IGSF3: variants seen among roughly 807,000 people sequenced by gnomAD.
The protein encoded by IGSF3 is glu-Trp-Ile EWI motif-containing protein 3.
IGSF3 carries 23 observed loss-of-function variants against 114.4 expected under a neutral mutation model. The ratio of observed to expected loss-of-function variants is 0.20; its 90% CI spans 0.14 to 0.28. The LOEUF is 0.28. Among genes scored for constraint, IGSF3 ranks in the 10% least tolerant of loss-of-function variants. The pLI is 1.00. For missense variants in IGSF3, 1,172 were observed against 1,591.5 expected (o/e 0.74, Z 4.48); for synonymous variants, 571 against 645.2 (o/e 0.88, Z 1.74).
rs1433480939 is a variant in IGSF3, at chr1:116,648,214, C to G, written c.43+18070G>C. On this transcript the variant is annotated intron_variant, in intron 2 of 10. Transcript: ENST00000369486. The surrounding 1 kb of genome is among the most constrained non-coding windows in gnomAD (Gnocchi z 4.7). ...GGAAGGAAAAATAAGAATGTCAACT[C>G]TCCATTCAACAGAGAAACAGTGCCA... Among the ~76,000 whole-genome samples the G allele has an allele frequency of 6.6e-6, 1 of 152,224 alleles. No homozygotes were observed. The highest frequency in any genetic ancestry group is 1.5e-5 in the Non-Finnish European group (1 of 68,050).
chr1:116,638,845 T>C lies in IGSF3; in HGVS notation c.44-22388A>G, dbSNP rs575376169. 6.6e-6 allele frequency among the ~76,000 whole-genome samples: 1 copy of C among 152,286 alleles called. No individual in the cohort carries two copies. The highest frequency in any genetic ancestry group is 2.4e-5 in the African/African-American group (1 of 41,556). On this transcript the variant is annotated intron_variant, in intron 2 of 10. Transcript: ENST00000369486. This position sits in a 1 kb window ranked among gnomAD's most constrained non-coding sequence, Gnocchi z 4.1. ...CAACTACAACAGGAGGTGGGTACCA[T>C]TCCATCCCCACCTGCAGATGAGTAT... is the stretch of plus-strand genomic sequence containing the variant.
chr1:116,649,431 A>G lies in IGSF3; in HGVS notation c.43+16853T>C, dbSNP rs35248614. On this transcript the variant is annotated intron_variant, in intron 2 of 10. Coordinates refer to ENST00000369486, the MANE Select transcript of IGSF3 (RefSeq NM_001007237.3). The surrounding 1 kb of genome is among the most constrained non-coding windows in gnomAD (Gnocchi z 4.5). Reference sequence around the variant, plus strand: ...CTAGCCCTATTTTCAAATGAATTCAACGCCTCATTACTTAGATCTTTCCTC... The same window carrying G: ...CTAGCCCTATTTTCAAATGAATTCAGCGCCTCATTACTTAGATCTTTCCTC... Among the ~76,000 whole-genome samples the G allele has an allele frequency of 0.25, 37,532 of 152,084 alleles. 4,837 individuals are homozygous for G. The highest frequency in any genetic ancestry group is 0.43 in the East Asian group (2,246 of 5,164).
chr1:116,637,080 C>T (rs1055781501), intron 2 of IGSF3, among the ~76,000 whole-genome samples: 2 of 152,176 alleles, frequency 1.3e-5, no homozygotes, highest in African/African-American at 4.8e-5. Flanking sequence ...TTTACTCACG[C>T]TCCCTTACTC....
rs1039748559 is a variant in IGSF3, at chr1:116,629,310, T to A, written c.44-12853A>T. ...ATAAACACCCACACACCTCTATATATGTGTGGAAAAAGGACTGGGCTAGTA... is the reference window on the plus strand; with the variant it reads ...ATAAACACCCACACACCTCTATATAAGTGTGGAAAAAGGACTGGGCTAGTA... On this transcript the variant is annotated intron_variant, in intron 2 of 10. Coordinates refer to ENST00000369486, the MANE Select transcript of IGSF3 (RefSeq NM_001007237.3). The surrounding 1 kb of genome is among the most constrained non-coding windows in gnomAD (Gnocchi z 4.3). Among the ~76,000 whole-genome samples the A allele has an allele frequency of 2.6e-5, 4 of 152,168 alleles. No homozygotes were observed. Among genetic ancestry groups the A allele is most frequent in the African/African-American group, 9.7e-5 (4 of 41,432 alleles).
Position 116,614,217 on chromosome 1 carries a change from C to T in IGSF3, c.422-42G>A, listed in dbSNP as rs1661133245. 1.3e-6 allele frequency: 2 copies of T among 1,549,572 alleles called. No individual in the cohort carries two copies. Among genetic ancestry groups the T allele is most frequent in the Non-Finnish European group, 1.8e-6 (2 of 1,128,262 alleles). On this transcript the variant is annotated intron_variant, in intron 3 of 10. Coordinates refer to ENST00000369486, the MANE Select transcript of IGSF3 (RefSeq NM_001007237.3). This position sits in a 1 kb window ranked among gnomAD's most constrained non-coding sequence, Gnocchi z 4.5. Reference sequence around the variant, plus strand: ...TCCTGAGAGTGCAGTCACAAAGCCACAGAATCTGAGACTCCCAGGGCTAAG... The same window carrying T: ...TCCTGAGAGTGCAGTCACAAAGCCATAGAATCTGAGACTCCCAGGGCTAAG...
chr1:116,660,208 G>C (rs1649053257), intron 2 of IGSF3, among the ~76,000 whole-genome samples: 1 of 152,142 alleles, frequency 6.6e-6, no homozygotes, highest in Non-Finnish European at 1.5e-5. Flanking sequence ...GCATTATCAG[G>C]ACTTAATTGG....
rs1358691904 is a variant in IGSF3, at chr1:116,582,169, T to C, written c.2849-2292A>G. Reference sequence around the variant, plus strand: ...GAAATTAATTTCCACCTTCCCACAATCTCTCTCCCCTTAACATGTTTCTCT... The same window carrying C: ...GAAATTAATTTCCACCTTCCCACAACCTCTCTCCCCTTAACATGTTTCTCT... On this transcript the variant is annotated intron_variant, in intron 9 of 10. Transcript: ENST00000369486. This position sits in a 1 kb window ranked among gnomAD's most constrained non-coding sequence, Gnocchi z 4.7. 1.3e-5 allele frequency among the ~76,000 whole-genome samples: 2 copies of C among 152,106 alleles called. No homozygotes were observed. The highest frequency in any genetic ancestry group is 2.9e-5 in the Non-Finnish European group (2 of 68,028).
At position 116,603,142 on chromosome 1, in the gene IGSF3, A is replaced by G. The variant is rs1660661643; in HGVS notation, c.1624+482T>C. ...CATAGTAAATGCTAAATAAATGACA[A>G]CAGATGATTTTATACCCTTCTCTGC... On this transcript the variant is annotated intron_variant, in intron 6 of 10. Transcript: ENST00000369486. The surrounding 1 kb of genome is among the most constrained non-coding windows in gnomAD (Gnocchi z 7.1). 6.6e-6 allele frequency among the ~76,000 whole-genome samples: 1 copy of G among 152,224 alleles called. No individual in the cohort carries two copies. Among genetic ancestry groups the G allele is most frequent in the Non-Finnish European group, 1.5e-5 (1 of 68,040 alleles).
chr1:116,621,000 T>C (rs1026390782), intron 2 of IGSF3, among the ~76,000 whole-genome samples: 26 of 152,166 alleles, frequency 1.7e-4, no homozygotes, highest in Admixed American at 3.9e-4. Flanking sequence ...ATGTTAGAGG[T>C]GGGGCCTGGT....
rs770903558 is a variant in IGSF3 at position 116,605,430 on chromosome 1, G to T, written c.1223-1405C>A. On this transcript the variant is annotated intron_variant, in intron 5 of 10. Transcript: ENST00000369486. This position sits in a 1 kb window ranked among gnomAD's most constrained non-coding sequence, Gnocchi z 5.1. ...TGTGAAAAATAAAAGGTCTGGATGG[G>T]GCAGGGAATAGCAATTTTCCTAGGA... 1.3e-5 allele frequency among the ~76,000 whole-genome samples: 2 copies of T among 152,034 alleles called. No homozygotes were observed. Among genetic ancestry groups the T allele is most frequent in the Admixed American group, 6.6e-5 (1 of 15,254 alleles).
At chr1:116,663,765 T>C (rs1218707245) in intron 2 of IGSF3, among the ~76,000 whole-genome samples, 2 of 152,070 alleles carry the variant, frequency 1.3e-5, no homozygotes, top group Admixed American at 1.3e-4. Context: ...ACCCCTCACA[T>C]ACTGTCCAGG....
At position 116,636,404 on chromosome 1, in the gene IGSF3, T is replaced by C. The variant is rs555238752; in HGVS notation, c.44-19947A>G. Among the ~76,000 whole-genome samples the C allele has an allele frequency of 3.3e-5, 5 of 152,326 alleles. No individual in the cohort carries two copies. Among genetic ancestry groups the C allele is most frequent in the South Asian group, 2.1e-4 (1 of 4,822 alleles). On this transcript the variant is annotated intron_variant, in intron 2 of 10. Transcript: ENST00000369486. This position sits in a 1 kb window ranked among gnomAD's most constrained non-coding sequence, Gnocchi z 4.5. ...GCAAACTGGTTCTTCCAGGTTCTTA[T>C]GCCTGGAAGAACTGCTGCTCTCCAA... is the stretch of plus-strand genomic sequence containing the variant.
At position 116,633,414 on chromosome 1, in the gene IGSF3, ATTTTAAAATTTT is replaced by A. The variant is rs1647683368; in HGVS notation, c.44-16969_44-16958del. On this transcript the variant is annotated intron_variant, in intron 2 of 10. Coordinates refer to ENST00000369486, the MANE Select transcript of IGSF3 (RefSeq NM_001007237.3). The surrounding 1 kb of genome is among the most constrained non-coding windows in gnomAD (Gnocchi z 4.3). ...CTAAGGCTGATTCCCTATAAGCAAA[ATTTTAAAATTTT>A]TTTTAAAGAAGAAAAACACCTAGAC... 6.6e-6 allele frequency among the ~76,000 whole-genome samples: 1 copy of A among 152,216 alleles called. No homozygotes were observed. Among genetic ancestry groups the A allele is most frequent in the Non-Finnish European group, 1.5e-5 (1 of 68,036 alleles).
At position 116,633,100 on chromosome 1, in the gene IGSF3, G is replaced by C. The variant is rs1296573068; in HGVS notation, c.44-16643C>G. 6.6e-6 allele frequency among the ~76,000 whole-genome samples: 1 copy of C among 152,222 alleles called. No homozygotes were observed. ...TCTTTGGGTTCTGTGAGCTGTATTT[G>C]GGCTTTATGCAGAGTTCAGCTGCCA... On this transcript the variant is annotated intron_variant, in intron 2 of 10. Transcript: ENST00000369486. The surrounding 1 kb of genome is among the most constrained non-coding windows in gnomAD (Gnocchi z 4.3).
chr1:116,661,437 C>T lies in IGSF3; in HGVS notation c.43+4847G>A, dbSNP rs995991162. 2.0e-5 allele frequency among the ~76,000 whole-genome samples: 3 copies of T among 152,188 alleles called. No individual in the cohort carries two copies. Among genetic ancestry groups the T allele is most frequent in the Non-Finnish European group, 4.4e-5 (3 of 68,028 alleles). ...GTAAAGTGTTTAGCACAGTGACTGGCACATAAGCACTCTATAAACACTTTA... is the reference window on the plus strand; with the variant it reads ...GTAAAGTGTTTAGCACAGTGACTGGTACATAAGCACTCTATAAACACTTTA... On this transcript the variant is annotated intron_variant, in intron 2 of 10. Coordinates refer to ENST00000369486, the MANE Select transcript of IGSF3 (RefSeq NM_001007237.3). This position sits in a 1 kb window ranked among gnomAD's most constrained non-coding sequence, Gnocchi z 4.0.
At chr1:116,604,781 C>G (rs1660729801) in intron 5 of IGSF3, among the ~76,000 whole-genome samples, 1 of 152,222 alleles carries the variant, frequency 6.6e-6, no homozygotes, top group African/African-American at 2.4e-5. Context: ...CCACTCCCTT[C>G]CCTGTCTCAT....
In IGSF3 at chr1:116,603,992, G is replaced by A; in HGVS notation, c.1256C>T (p.Ala419Val). ...SSISVEVASN[A>V]SVILEGEDLR... ...GTCCTCGCCCTCAAGGATGACGCTG[G>A]CATTGCTGGCCACCTCCACGGAGAT... Residue 419 changes from alanine (A) to valine (V), a missense_variant, in exon 6 of 11, where the codon GCC becomes GTC. Coordinates refer to ENST00000369486, the MANE Select transcript of IGSF3 (RefSeq NM_001007237.3). The surrounding 1 kb of genome is among the most constrained non-coding windows in gnomAD (Gnocchi z 7.1). 1 of 1,610,604 alleles carries A rather than the reference G, an allele frequency of 6.2e-7. No individual in the cohort carries two copies.
Position 116,650,353 on chromosome 1 carries a change from C to T in IGSF3, c.43+15931G>A, listed in dbSNP as rs572035145. Among the ~76,000 whole-genome samples the T allele has an allele frequency of 2.6e-5, 4 of 152,300 alleles. No homozygotes were observed. Among genetic ancestry groups the T allele is most frequent in the South Asian group, 2.1e-4 (1 of 4,824 alleles). On this transcript the variant is annotated intron_variant, in intron 2 of 10. Coordinates refer to ENST00000369486, the MANE Select transcript of IGSF3 (RefSeq NM_001007237.3). This position sits in a 1 kb window ranked among gnomAD's most constrained non-coding sequence, Gnocchi z 5.0. ...TGCAACAAGATGGCTGCTTCATGTC[C>T]GAGAATCTAGTGAAAGAAGCTGTCC...
At position 116,651,157 on chromosome 1, in the gene IGSF3, T is replaced by C. The variant is rs1459722919; in HGVS notation, c.43+15127A>G. On this transcript the variant is annotated intron_variant, in intron 2 of 10. Coordinates refer to ENST00000369486, the MANE Select transcript of IGSF3 (RefSeq NM_001007237.3). The surrounding 1 kb of genome is among the most constrained non-coding windows in gnomAD (Gnocchi z 4.4). Reference sequence around the variant, plus strand: ...GACTCACACAAATCTGTGGAATGAGTGCATGATCTCATGAGCTCTGGTCTG... The same window carrying C: ...GACTCACACAAATCTGTGGAATGAGCGCATGATCTCATGAGCTCTGGTCTG... 1.3e-5 allele frequency among the ~76,000 whole-genome samples: 2 copies of C among 152,208 alleles called. No individual in the cohort carries two copies. The highest frequency in any genetic ancestry group is 2.4e-5 in the African/African-American group (1 of 41,456).
Sources: allele counts gnomAD v4.1 joint callset (sites outside exome capture counted in the v4.1 genomes callset), GRCh38; gene constraint gnomAD v4.1.1; non-coding constraint Gnocchi (gnomAD v3.1); transcripts MANE v1.5; gene names NCBI Gene and HGNC (gene_info 2026-07-23, HGNC 2026-07-21).